VPS54: variants seen among roughly 807,000 people sequenced by gnomAD.
VPS54 encodes vacuolar protein sorting-associated protein 54.
Under a neutral mutation model 121.5 loss-of-function variants are expected in VPS54, and 45 were observed. The ratio of observed to expected loss-of-function variants is 0.37; its 90% CI spans 0.29 to 0.47. The LOEUF (loss-of-function observed/expected upper bound fraction) is 0.47. VPS54 is among the 20% of genes least tolerant of loss of function. VPS54 has a pLI of 0.99. For synonymous variants in VPS54, 371 were observed against 385.8 expected, an observed-to-expected ratio of 0.96 and a Z score of 0.45; for missense variants, 1,090 against 1,131.4, an observed-to-expected ratio of 0.96 and a Z score of 0.52.
intron 4 of VPS54, among the ~76,000 whole-genome samples, chr2:63,971,134 A>T (rs183428980): frequency 4.6e-4 from 70 of 152,272 alleles, no homozygotes; most frequent in African/African-American, 1.6e-3. Context: ...TCCATTACCA[A>T]TAACTGGCCA....
chr2:63,939,954 C>T (rs558559913), intron 11 of VPS54, among the ~76,000 whole-genome samples: 2 of 152,248 alleles, frequency 1.3e-5, no homozygotes, highest in South Asian at 4.2e-4. Flanking sequence ...GACAGGGTTT[C>T]ACCATATTGG....
At chr2:64,008,838 ACAGT>A (rs374911390) in intron 1 of VPS54, among the ~76,000 whole-genome samples, 19 of 152,380 alleles carry the variant, frequency 1.2e-4, no homozygotes, top group Non-Finnish European at 2.5e-4. Flanking sequence ...ATCTGACTAT[ACAGT>A]CAAATACAGT....
chr2:63,963,392 T>C (rs577005577), intron 6 of VPS54, among the ~76,000 whole-genome samples: 5 of 152,246 alleles, frequency 3.3e-5, no homozygotes, highest in African/African-American at 1.2e-4. Context: ...ATATGCCTTT[T>C]TTGGCTATAT....
At chr2:63,906,495 G>T (rs959222516) in intron 20 of VPS54, among the ~76,000 whole-genome samples, 1 of 152,148 alleles carries the variant, frequency 6.6e-6, no homozygotes, top group Non-Finnish European at 1.5e-5. Context: ...ACAAAATTTT[G>T]ATCAAAGAAA....
At chr2:63,921,165 T>G (rs1273394497) in intron 13 of VPS54, 41 bp downstream of exon 13, 1 of 1,549,660 alleles carries the variant, frequency 6.5e-7, no homozygotes, top group South Asian at 1.2e-5. Flanking sequence ...TCTTCAAAAT[T>G]ATTACGTATA....
At chr2:63,972,853 G>A (rs1042241010) in intron 3 of VPS54, among the ~76,000 whole-genome samples, 3 of 151,794 alleles carry the variant, frequency 2.0e-5, no homozygotes, top group Middle Eastern at 3.2e-3. Flanking sequence ...ACTCCAGCCT[G>A]GGTGGCAGAG....
chr2:63,972,140 T>C, intron 4 of VPS54, 26 bp downstream of exon 4: 1 of 1,414,268 alleles, frequency 7.1e-7, no homozygotes, highest in Non-Finnish European at 9.6e-7. Context: ...TATGCTTTAT[T>C]ATCTATAAAT....
intron 5 of VPS54, among the ~76,000 whole-genome samples, chr2:63,967,528 G>C (rs1676055566): frequency 6.6e-6 from 1 of 151,762 alleles, no homozygotes; most frequent in African/African-American, 2.4e-5. Flanking sequence ...AGCCTAGCCT[G>C]GCCAACGTGG....
intron 12 of VPS54, among the ~76,000 whole-genome samples, chr2:63,923,912 T>A (rs1417871194): frequency 6.6e-6 from 1 of 152,230 alleles, no homozygotes; most frequent in Non-Finnish European, 1.5e-5. Flanking sequence ...ACAGGAATAG[T>A]CAGAGCCGTT....
intron 12 of VPS54, among the ~76,000 whole-genome samples, chr2:63,927,481 A>G (rs2104468111): frequency 6.6e-6 from 1 of 152,302 alleles, no homozygotes; most frequent in African/African-American, 2.4e-5. Context: ...CAAAAAGAAC[A>G]TCCACACCAA....
At chr2:63,945,593 T>C (rs972385726) in intron 9 of VPS54, among the ~76,000 whole-genome samples, 1 of 152,184 alleles carries the variant, frequency 6.6e-6, no homozygotes, top group African/African-American at 2.4e-5. Context: ...TTTTACCAGA[T>C]TTTTATCTCT....
At chr2:64,013,314 T>C (rs1678510732) in intron 1 of VPS54, among the ~76,000 whole-genome samples, 1 of 152,090 alleles carries the variant, frequency 6.6e-6, no homozygotes, top group South Asian at 2.1e-4. Context: ...ATGTGGAACA[T>C]GCTCCAGGAC....
intron 6 of VPS54, among the ~76,000 whole-genome samples, chr2:63,963,107 A>T (rs1675842322): frequency 6.6e-6 from 1 of 152,094 alleles, no homozygotes; most frequent in South Asian, 2.1e-4. Context: ...TCAGTCACAA[A>T]TTATAGATAA....
chr2:64,019,090 G>T lies in VPS54; in HGVS notation c.-173C>A, dbSNP rs1225018251. 6.6e-6 allele frequency: 1 copy of T among 151,002 alleles called. No individual in the cohort carries two copies. The highest frequency in any genetic ancestry group is 6.6e-5 in the Admixed American group (1 of 15,104). 9.4% of individuals were successfully genotyped at this position (151,002 alleles called of 1,614,324 possible). On this transcript the variant is annotated 5_prime_UTR_variant, in exon 1 of 23. Coordinates refer to ENST00000272322, the MANE Select transcript of VPS54 (RefSeq NM_016516.3). ...GGGTTCCCGCCCCCGCCCCGCGCCC[G>T]CTGGCCAGTCGGCCCGGGGAGCACA... is the stretch of plus-strand genomic sequence containing the variant.
rs764515091 is a variant in VPS54, at chr2:64,005,089, C to CTTTTTTTTTTTTT, written c.-21+13836_-21+13848dup. 1.5e-3 allele frequency among the ~76,000 whole-genome samples: 64 copies of CTTTTTTTTTTTTT among 44,128 alleles called. 12 individuals carry two copies. The highest frequency in any genetic ancestry group is 1.5e-3 in the Non-Finnish European group (39 of 25,216). The allele number at this position is 44,128 out of a possible 152,430, so 28.9% of individuals were successfully genotyped here. On this transcript the variant is annotated intron_variant, in intron 1 of 22. Transcript: ENST00000272322. ...TACCATGCCCAGTCTACTATTGCTT[C>CTTTTTTTTTTTTT]TTTTTTTTTTTTTTTTTTTTTTTTT...
At chr2:63,966,450 C>T (rs968577558) in intron 5 of VPS54, among the ~76,000 whole-genome samples, 2 of 152,162 alleles carry the variant, frequency 1.3e-5, no homozygotes, top group African/African-American at 4.8e-5. Flanking sequence ...GAATAGACTA[C>T]TCTTCCCTTA....
At chr2:63,967,054 A>G (rs954784378) in intron 5 of VPS54, among the ~76,000 whole-genome samples, 2 of 152,316 alleles carry the variant, frequency 1.3e-5, no homozygotes, top group African/African-American at 2.4e-5. Context: ...TTTAGTATGC[A>G]TATCTCCCTC....
intron 12 of VPS54, among the ~76,000 whole-genome samples, chr2:63,924,924 T>C (rs1673827033): frequency 6.6e-6 from 1 of 152,194 alleles, no homozygotes; most frequent in Non-Finnish European, 1.5e-5. Context: ...AGATGGATTG[T>C]AGGTCTTAAT....
At chr2:63,896,489 A>T (rs1172718168) in intron 22 of VPS54, among the ~76,000 whole-genome samples, 1 of 152,180 alleles carries the variant, frequency 6.6e-6, no homozygotes, top group Non-Finnish European at 1.5e-5. Context: ...GAAAACAAAT[A>T]ATTCTTTAAA....
Sources: allele counts gnomAD v4.1 joint callset (sites outside exome capture counted in the v4.1 genomes callset), GRCh38; gene constraint gnomAD v4.1.1; transcripts MANE v1.5; gene names NCBI Gene and HGNC (gene_info 2026-07-23, HGNC 2026-07-21).